Variants in ANO10 observed in about 807,000 individuals in gnomAD.
The protein encoded by ANO10 is anoctamin-10.
A neutral mutation model predicts 74.7 loss-of-function variants in ANO10; 77 were observed. The observed-to-expected ratio is 1.03, with a 90% confidence interval of 0.86 to 1.25. The LOEUF (loss-of-function observed/expected upper bound fraction) is 1.25, where lower values mean the gene tolerates loss of function less well. ANO10 is among the 50% of genes most tolerant of loss of function. ANO10 has a pLI of 0.00. For synonymous variants in ANO10, 279 were observed against 284.9 expected (o/e 0.98, Z 0.21); for missense variants, 721 against 778.1 (o/e 0.93, Z 0.87).
At chr3:43,377,192 T>A (rs1303602503) in intron 12 of ANO10, among the ~76,000 whole-genome samples, 1 of 152,152 alleles carries the variant, frequency 6.6e-6, no homozygotes, top group Admixed American at 6.5e-5. Flanking sequence ...GATCAGGTGA[T>A]CCTCCCACCT....
intron 1 of ANO10, among the ~76,000 whole-genome samples, chr3:43,677,171 A>T (rs1559397649): frequency 6.6e-6 from 1 of 152,200 alleles, no homozygotes; most frequent in Non-Finnish European, 1.5e-5. Flanking sequence ...AAAGAATGAA[A>T]TCACGTCCCT....
intron 7 of ANO10, among the ~76,000 whole-genome samples, chr3:43,572,995 CTT>C (rs553687865): frequency 1.3e-4 from 19 of 141,566 alleles, no homozygotes; most frequent in Admixed American, 2.1e-4. Flanking sequence ...TAACCAACGG[CTT>C]TTTTTTTTTT....
chr3:43,584,501 G>C (rs1370632887), intron 4 of ANO10, among the ~76,000 whole-genome samples: 1 of 152,186 alleles, frequency 6.6e-6, no homozygotes, highest in African/African-American at 2.4e-5. Context: ...GGACTAAGCA[G>C]CTGAGACAGG....
intron 12 of ANO10, among the ~76,000 whole-genome samples, chr3:43,431,802 G>T (rs1268054040): frequency 1.3e-5 from 2 of 152,020 alleles, no homozygotes; most frequent in South Asian, 2.1e-4. Context: ...TACCCTTGGA[G>T]CCCTCAGGCT....
intron 9 of ANO10, among the ~76,000 whole-genome samples, chr3:43,556,085 T>C (rs998076278): frequency 2.6e-5 from 4 of 152,228 alleles, no homozygotes; most frequent in Non-Finnish European, 5.9e-5. Flanking sequence ...CATTTGGCTC[T>C]AGATGGTATG....
intron 1 of ANO10, among the ~76,000 whole-genome samples, chr3:43,609,944 T>C (rs1054257363): frequency 6.6e-6 from 1 of 152,200 alleles, no homozygotes; most frequent in Admixed American, 6.5e-5. Flanking sequence ...GACATTATTG[T>C]ATACTACTGT....
chr3:43,424,797 T>C (rs1436211767), intron 12 of ANO10: 1 of 152,214 alleles, frequency 6.6e-6, no homozygotes, highest in Non-Finnish European at 1.5e-5. Context: ...AGTTCTCTAG[T>C]GCAATTCTCC....
intron 1 of ANO10, among the ~76,000 whole-genome samples, chr3:43,683,382 G>A (rs2084227932): frequency 6.6e-6 from 1 of 152,118 alleles, no homozygotes; most frequent in Non-Finnish European, 1.5e-5. Context: ...AGGACATGAA[G>A]GACCTCTTCA....
At chr3:43,400,515 C>T (rs2092461428) in intron 12 of ANO10, among the ~76,000 whole-genome samples, 1 of 152,112 alleles carries the variant, frequency 6.6e-6, no homozygotes, top group Non-Finnish European at 1.5e-5. Flanking sequence ...TGGCTCATAC[C>T]TATATTCCCA....
intron 12 of ANO10, among the ~76,000 whole-genome samples, chr3:43,418,132 A>G (rs12493769): frequency 0.17 from 25,426 of 152,096 alleles, 2,311 homozygotes; most frequent in Admixed American, 0.22. Context: ...AAAAAATTAG[A>G]TGGGGGTGGT....
chr3:43,638,997 C>T (rs979768463), intron 1 of ANO10: 18 of 152,274 alleles, frequency 1.2e-4, no homozygotes, highest in Admixed American at 1.1e-3. Flanking sequence ...GTGGCTCCCT[C>T]ACATGACTGC....
At chr3:43,576,574 A>G in intron 6 of ANO10, 118 bp downstream of exon 6, 1 of 1,076,772 alleles carries the variant, frequency 9.3e-7, no homozygotes. Flanking sequence ...TTATGTCTCT[A>G]TAATGAGCCA....
At chr3:43,668,120 C>T (rs566395960) in intron 1 of ANO10, among the ~76,000 whole-genome samples, 39 of 152,148 alleles carry the variant, frequency 2.6e-4, no homozygotes, top group Admixed American at 2.6e-3. Flanking sequence ...TTTTATTATG[C>T]CCATTCTTGC....
intron 1 of ANO10, chr3:43,691,095 G>C: frequency 6.7e-7 from 1 of 1,489,752 alleles, no homozygotes; most frequent in Non-Finnish European, 8.9e-7. Flanking sequence ...CTCCGCGCGG[G>C]CCGGGTTAGG....
At chr3:43,402,279 T>C (rs895310890) in intron 12 of ANO10, among the ~76,000 whole-genome samples, 2 of 152,174 alleles carry the variant, frequency 1.3e-5, no homozygotes, top group South Asian at 2.1e-4. Flanking sequence ...CTTTAAGAAG[T>C]GGACATGGCT....
At chr3:43,675,588 TA>T (rs937448887) in intron 1 of ANO10, among the ~76,000 whole-genome samples, 3 of 151,822 alleles carry the variant, frequency 2.0e-5, no homozygotes, top group Non-Finnish European at 4.4e-5. Context: ...TTGAAAATGA[TA>T]TACAGAGGGC....
chr3:43,394,812 T>C (rs750008592), intron 12 of ANO10, among the ~76,000 whole-genome samples: 8 of 152,190 alleles, frequency 5.3e-5, no homozygotes, highest in Non-Finnish European at 1.0e-4. Flanking sequence ...GTAACTGACA[T>C]GGGCAAGGTC....
chr3:43,458,553 G>A (rs1256621824), intron 11 of ANO10, among the ~76,000 whole-genome samples: 2 of 152,128 alleles, frequency 1.3e-5, no homozygotes, highest in East Asian at 3.9e-4. Context: ...ATTCTCTTAT[G>A]CATTACAAAT....
chr3:43,386,798 T>A (rs1029854211), intron 12 of ANO10, among the ~76,000 whole-genome samples: 4 of 152,050 alleles, frequency 2.6e-5, no homozygotes, highest in African/African-American at 9.7e-5. Flanking sequence ...CCCTGGACTC[T>A]ACAGGTGGTC....
Sources: gnomAD v4.1 joint callset for allele counts (sites outside exome capture counted in the v4.1 genomes callset) on GRCh38, gnomAD v4.1.1 for gene constraint, MANE v1.5 for transcripts, NCBI Gene and HGNC (gene_info 2026-07-23, HGNC 2026-07-21) for gene names.